The following TAS2R1 variants were observed in gnomAD, a reference collection of about 807,000 sequenced individuals.
The protein encoded by TAS2R1 is taste receptor type 2 member 1.
For synonymous variants in TAS2R1, 141 were observed against 134.2 expected (o/e 1.05, Z -0.35); for missense variants, 370 against 353.4 (o/e 1.05, Z -0.38).
chr5:9,690,541 C>T (rs1683606915), intron 1 of TAS2R1, among the ~76,000 whole-genome samples: 1 of 151,982 alleles, frequency 6.6e-6, no homozygotes, highest in African/African-American at 2.4e-5. Flanking sequence ...GGAAAATAAC[C>T]TTCGTGTTGT....
chr5:9,831,626 T>C, the TAS2R1 span, among the ~76,000 whole-genome samples: 1 of 151,966 alleles, frequency 6.6e-6, no homozygotes, highest in East Asian at 1.9e-4. Context: ...TTTCTGTTTT[T>C]TTTTCAAATC....
chr5:9,719,431 T>C, the TAS2R1 span, among the ~76,000 whole-genome samples: 1 of 152,230 alleles, frequency 6.6e-6, no homozygotes. Flanking sequence ...GTTTCACTCT[T>C]CACTCTCCCC....
chr5:9,812,419 T>C, the TAS2R1 span, among the ~76,000 whole-genome samples: 4 of 152,026 alleles, frequency 2.6e-5, no homozygotes, highest in East Asian at 5.8e-4. Flanking sequence ...AGAGGACCAA[T>C]GAATGGATCA....
chr5:9,886,119 C>T, the TAS2R1 span, among the ~76,000 whole-genome samples: 1 of 151,500 alleles, frequency 6.6e-6, no homozygotes, highest in African/African-American at 2.4e-5. Flanking sequence ...GCAACCTCCA[C>T]CTCCCAGGTT....
intron 1 of TAS2R1, among the ~76,000 whole-genome samples, chr5:9,660,972 AC>A (rs1740521978): frequency 6.6e-6 from 1 of 152,202 alleles, no homozygotes; most frequent in Admixed American, 6.5e-5. Context: ...TTTTGCCAAC[AC>A]CTGAATGAAC....
the TAS2R1 span, among the ~76,000 whole-genome samples, chr5:9,731,635 C>T: frequency 3.3e-5 from 5 of 152,260 alleles, no homozygotes; most frequent in South Asian, 2.1e-4. Context: ...AATTGCTACT[C>T]ATCTTTCAAA....
the TAS2R1 span, among the ~76,000 whole-genome samples, chr5:9,808,217 A>G: frequency 2.0e-5 from 3 of 152,218 alleles, no homozygotes; most frequent in South Asian, 6.2e-4. Flanking sequence ...TGTTGGTAGA[A>G]ATATGAGCCA....
At chr5:9,823,670 A>C in the TAS2R1 span, among the ~76,000 whole-genome samples, 8 of 125,676 alleles carry the variant, frequency 6.4e-5, no homozygotes, top group East Asian at 2.2e-3. Flanking sequence ...GAGGGAAAGG[A>C]AGGAAGGGAA....
chr5:9,840,872 T>TATTTA, the TAS2R1 span, among the ~76,000 whole-genome samples: 2 of 56,900 alleles, frequency 3.5e-5, no homozygotes, highest in African/African-American at 1.3e-4. Flanking sequence ...TTTTTTTTTT[T>TATTTA]TTTTTTTTTT....
At chr5:9,815,821 A>G in the TAS2R1 span, among the ~76,000 whole-genome samples, 8 of 152,220 alleles carry the variant, frequency 5.3e-5, no homozygotes, top group Middle Eastern at 3.2e-3. Context: ...TATTCAAACT[A>G]AAAACAAAAC....
At chr5:9,792,676 G>A in the TAS2R1 span, among the ~76,000 whole-genome samples, 118,459 of 152,026 alleles carry the variant, frequency 0.78, 46,347 homozygotes, top group East Asian at 0.87. Flanking sequence ...CCTGCTTGAC[G>A]ACTTAGGAGG....
the TAS2R1 span, among the ~76,000 whole-genome samples, chr5:9,816,304 A>G: frequency 6.6e-6 from 1 of 152,200 alleles, no homozygotes; most frequent in African/African-American, 2.4e-5. Context: ...AATATCTGCC[A>G]TAAAATAGTA....
chr5:9,834,729 T>C, the TAS2R1 span, among the ~76,000 whole-genome samples: 1 of 148,626 alleles, frequency 6.7e-6, no homozygotes, highest in South Asian at 2.2e-4. Flanking sequence ...GACAGTTTCA[T>C]CTCTGTAAAT....
At chr5:9,820,608 G>A in the TAS2R1 span, among the ~76,000 whole-genome samples, 6 of 152,166 alleles carry the variant, frequency 3.9e-5, no homozygotes, top group African/African-American at 1.4e-4. Flanking sequence ...AACACTCACA[G>A]CACTGAAAAC....
the TAS2R1 span, among the ~76,000 whole-genome samples, chr5:9,785,201 C>T: frequency 6.6e-6 from 1 of 152,134 alleles, no homozygotes; most frequent in Non-Finnish European, 1.5e-5. Flanking sequence ...GTGTATCCTT[C>T]CATATGCTTC....
chr5:9,803,773 C>A, the TAS2R1 span, among the ~76,000 whole-genome samples: 1 of 152,068 alleles, frequency 6.6e-6, no homozygotes, highest in African/African-American at 2.4e-5. Context: ...CCTTGAAACA[C>A]ACAAAATAGA....
chr5:9,854,756 T>TA, the TAS2R1 span, among the ~76,000 whole-genome samples: 1 of 152,176 alleles, frequency 6.6e-6, no homozygotes, highest in Non-Finnish European at 1.5e-5. Context: ...TAAATCGTGA[T>TA]ACAACCATCA....
chr5:9,754,108 C>A, the TAS2R1 span, among the ~76,000 whole-genome samples: 1 of 152,122 alleles, frequency 6.6e-6, no homozygotes. Flanking sequence ...TCAATATATG[C>A]AAATCAATAA....
intron 1 of TAS2R1, among the ~76,000 whole-genome samples, chr5:9,705,583 G>A (rs1292535494): frequency 6.6e-6 from 1 of 152,162 alleles, no homozygotes; most frequent in Non-Finnish European, 1.5e-5. Context: ...TGCTGGCCAA[G>A]CACGGTGGTT....
Sources: gnomAD v4.1 joint callset for allele counts (sites outside exome capture counted in the v4.1 genomes callset) on GRCh38, gnomAD v4.1.1 for gene constraint, MANE v1.5 for transcripts, NCBI Gene and HGNC (gene_info 2026-07-23, HGNC 2026-07-21) for gene names.